The following DDX3X variants were observed in gnomAD, a reference collection of about 807,000 sequenced individuals.
The protein encoded by DDX3X is DEAD-box helicase 3 X-linked.
A neutral mutation model predicts 52.7 loss-of-function variants in DDX3X; 4 were observed. The ratio of observed to expected loss-of-function variants is 0.08; its 90% confidence interval spans 0.04 to 0.17. The LOEUF is 0.17. Among genes scored for constraint, DDX3X ranks in the 10% least tolerant of loss-of-function variants. The pLI is 1.00. For synonymous variants in DDX3X, 192 were observed against 178.1 expected, an observed-to-expected ratio of 1.08 and a Z score of -0.62; for missense variants, 222 against 548.6, an observed-to-expected ratio of 0.40 and a Z score of 5.95.
At chrX:41,362,898 C>T (rs1454828294) in intron 5 of DDX3X, among the ~76,000 whole-genome samples, 1 of 111,558 alleles carries the variant, frequency 9.0e-6, no homozygotes, top group Non-Finnish European at 1.9e-5. Context: ...TCCTGGCTCC[C>T]ATATTATGAG....
chrX:41,345,029 A>G (rs542976291), intron 10 of DDX3X, 151 bp from the exon 11 acceptor site: 5 of 529,420 alleles, frequency 9.4e-6, no homozygotes, highest in Middle Eastern at 5.8e-4. Context: ...GTGTCTGTAA[A>G]ATTATGCAGT....
intron 5 of DDX3X, among the ~76,000 whole-genome samples, chrX:41,355,887 T>A (rs1172203302): frequency 9.0e-5 from 10 of 110,732 alleles, no homozygotes; most frequent in African/African-American, 3.3e-4. Flanking sequence ...CATCTTTTCG[T>A]GTTCTTATTT....
chrX:41,341,619 A>T lies in DDX3X; in HGVS notation c.284+3A>T, dbSNP rs1188370836. On this transcript the variant is annotated splice_donor_region_variant and intron_variant, in intron 4 of 16. Coordinates refer to ENST00000644876, the MANE Select transcript of DDX3X (RefSeq NM_001356.5). ...CGTGGAAGTGGATCAAGGGGAAGGT[A>T]AGTGATTTCTTAATCACCTTACGTG... The T allele has an allele frequency of 2.2e-5, 27 of 1,207,434 alleles. No homozygotes were observed. The highest frequency in any genetic ancestry group is 2.7e-5 in the Non-Finnish European group (24 of 893,250).
chrX:41,334,643 C>T lies in DDX3X; in HGVS notation c.45+346C>T. On this transcript the variant is annotated intron_variant, in intron 1 of 16. Transcript: ENST00000644876. ...ACCTGGGGGGGTTTGCGGGAGTGCG[C>T]AGCGCGGCGGGACGCGACTGGAGGC... 2.8e-6 allele frequency: 3 copies of T among 1,068,771 alleles called. No homozygotes were observed. In the South Asian group the frequency reaches 5.9e-5, roughly 21 times the overall value. 88.1% of individuals were successfully genotyped at this position (1,068,771 alleles called of 1,213,427 possible).
chrX:41,334,782 C>T (rs1420414706), intron 1 of DDX3X: 1 of 939,481 alleles, frequency 1.1e-6, no homozygotes, highest in African/African-American at 2.0e-5. Context: ...AGAACGCGGC[C>T]CAGGAATGTG....
At chrX:41,358,250 T>A (rs1434607733) in intron 5 of DDX3X, among the ~76,000 whole-genome samples, 2 of 108,592 alleles carry the variant, frequency 1.8e-5, no homozygotes, top group African/African-American at 6.7e-5. Context: ...GCTAATTTTG[T>A]ATTTTTTAGT....
chrX:41,352,245 C>T (rs1024575167), downstream of DDX3X, among the ~76,000 whole-genome samples: 5 of 111,758 alleles, frequency 4.5e-5, no homozygotes, highest in Non-Finnish European at 5.6e-5. Context: ...TATTCTAAGG[C>T]TTTCTGTAGA....
Position 41,334,509 on chromosome X carries a change from G to A in DDX3X, c.45+212G>A, listed in dbSNP as rs1050896043. On this transcript the variant is annotated intron_variant, in intron 1 of 16. Transcript: ENST00000644876. Reference sequence around the variant, plus strand: ...GTCTCGGCCCGCTGTATTGTCCCCGGGACGAGCACAATGGCGGCTTTTGTG... The same window carrying A: ...GTCTCGGCCCGCTGTATTGTCCCCGAGACGAGCACAATGGCGGCTTTTGTG... 3.7e-6 allele frequency: 4 copies of A among 1,095,549 alleles called. No individual in the cohort carries two copies. In the African/African-American group the frequency reaches 7.4e-5, roughly 20 times the overall value. The allele number at this position is 1,095,549 out of a possible 1,213,427, so 90.3% of individuals were successfully genotyped here.
intron 1 of DDX3X, chrX:41,335,207 T>TG (rs1040439858): frequency 9.1e-6 from 1 of 110,422 alleles, no homozygotes; most frequent in Non-Finnish European, 1.9e-5. Flanking sequence ...TGTCCCTGTG[T>TG]GGTATGTTAG....
At chrX:41,355,156 T>C, downstream of DDX3X, among the ~76,000 whole-genome samples, 1 of 111,581 alleles carries the variant, frequency 9.0e-6, no homozygotes, top group Non-Finnish European at 1.9e-5. Flanking sequence ...AGTATAGATA[T>C]TCTGTAGTTT....
intron 1 of DDX3X, chrX:41,336,639 G>T (rs768283098): frequency 2.7e-5 from 3 of 111,210 alleles, no homozygotes; most frequent in Non-Finnish European, 3.8e-5. Flanking sequence ...GCGTGGTGGC[G>T]CACCCCTGTA....
rs1255370095 is a variant in DDX3X at position 41,348,316 on chromosome X, T to A, written c.*597T>A. 8.5e-6 allele frequency: 1 copy of A among 118,094 alleles called. No individual in the cohort carries two copies. The highest frequency in any genetic ancestry group is 1.8e-5 in the Non-Finnish European group (1 of 57,000). 9.7% of individuals were successfully genotyped at this position (118,094 alleles called of 1,213,427 possible). On this transcript the variant is annotated 3_prime_UTR_variant, in exon 17 of 17. Coordinates refer to ENST00000644876, the MANE Select transcript of DDX3X (RefSeq NM_001356.5). ...TTAGTTTCTAATGTGGCAAACTGTA[T>A]TAAGTTAAAGTTCTGATTTGCTCAC...
chrX:41,340,095 G>A (rs1439018334), intron 3 of DDX3X: 1 of 110,202 alleles, frequency 9.1e-6, no homozygotes, highest in Non-Finnish European at 1.9e-5. Context: ...ATTTAGTAGA[G>A]ACGGGGTTTT....
rs921448167 is a variant in DDX3X, at chrX:41,348,920, TCTG to T, written c.*1204_*1206del. ...GTACATAACTGCACAAGGTGTCAATTCTGCTCTACAGTGCAGTTTTAGTCAGTT... is the reference window on the plus strand; with the variant it reads ...GTACATAACTGCACAAGGTGTCAATTCTCTACAGTGCAGTTTTAGTCAGTT... On this transcript the variant is annotated 3_prime_UTR_variant, in exon 17 of 17. Transcript: ENST00000644876. 1 of 112,525 alleles carries T rather than the reference TCTG, an allele frequency of 8.9e-6. No homozygotes were observed. The highest frequency in any genetic ancestry group is 3.2e-5 in the African/African-American group (1 of 30,888). The allele number at this position is 112,525 out of a possible 1,213,427, so 9.3% of individuals were successfully genotyped here.
At chrX:41,333,596 T>TC (rs1263275761), upstream of DDX3X, 2 of 109,455 alleles carry the variant, frequency 1.8e-5, no homozygotes, top group Admixed American at 9.8e-5. Flanking sequence ...TCTGCCTAGC[T>TC]CCCACTAAGG....
In DDX3X at chrX:41,347,825, C is replaced by T. The variant is rs1175831941; in HGVS notation, c.*106C>T. On this transcript the variant is annotated 3_prime_UTR_variant, in exon 17 of 17. Transcript: ENST00000644876. ...GCTTCAAGAACTCGCAGTACATTACCAGCTGTGATTCTCCACTGAAATTTT... is the reference window on the plus strand; with the variant it reads ...GCTTCAAGAACTCGCAGTACATTACTAGCTGTGATTCTCCACTGAAATTTT... 1 of 526,320 alleles carries T rather than the reference C, an allele frequency of 1.9e-6. No homozygotes were observed. Among genetic ancestry groups the T allele is most frequent in the African/African-American group, 2.4e-5 (1 of 41,160 alleles). The allele number at this position is 526,320 out of a possible 1,213,427, so 43.4% of individuals were successfully genotyped here.
Position 41,342,630 on chromosome X carries a change from C to A in DDX3X, c.420C>A (p.Leu140=). The A allele has an allele frequency of 8.3e-7, 1 of 1,211,681 alleles. No individual in the cohort carries two copies. Among genetic ancestry groups the A allele is most frequent in the Non-Finnish European group, 1.1e-6 (1 of 895,444 alleles). Residue 140 remains leucine (L), a synonymous_variant, in exon 5 of 17, where the codon CTC becomes CTA. Transcript: ENST00000644876. ...ATGAAGATGATTGGTCAAAACCACT[C>A]CCACCAAGTGAACGCTTGGAACAGT... is the stretch of plus-strand genomic sequence containing the variant. The part of the protein sequence containing the change: ...KSDEDDWSKP[L]PPSERLEQEL...
At chrX:41,343,583 C>A (rs1196959887) in intron 7 of DDX3X, 154 bp from the exon 8 acceptor site, 1 of 548,613 alleles carries the variant, frequency 1.8e-6, no homozygotes, top group Non-Finnish European at 2.9e-6. Flanking sequence ...TTGCTGACTC[C>A]TCTTAGAGGT....
chrX:41,344,209 T>C lies in DDX3X; in HGVS notation c.865-30T>C, dbSNP rs747348474. On this transcript the variant is annotated intron_variant, in intron 9 of 16. Transcript: ENST00000644876. ...TATGAACATGTAAAAATTTTGACCT[T>C]GAAGTTCATAACATTTTTTTTGCTT... The C allele has an allele frequency of 5.8e-6, 7 of 1,199,397 alleles. No individual in the cohort carries two copies. The South Asian group carries it at 1.3e-4, about 22-fold the overall frequency.
Sources: gnomAD v4.1 joint callset for allele counts (sites outside exome capture counted in the v4.1 genomes callset) on GRCh38, gnomAD v4.1.1 for gene constraint, MANE v1.5 for transcripts, NCBI Gene and HGNC (gene_info 2026-07-23, HGNC 2026-07-21) for gene names.